Variants in DSCAM observed in about 807,000 individuals in gnomAD.
The protein encoded by DSCAM is cell adhesion molecule DSCAM.
Under a neutral mutation model 217.7 loss-of-function variants are expected in DSCAM, and 47 were observed. That is an observed-to-expected ratio of 0.22 (90% confidence interval 0.17 to 0.28). DSCAM has a LOEUF of 0.28. Among genes scored for constraint, DSCAM ranks in the 10% least tolerant of loss-of-function variants. The pLI is 1.00. For synonymous variants in DSCAM, 1,056 were observed against 1,015.3 expected (o/e 1.04, Z -0.76); for missense variants, 2,080 against 2,618.3 (o/e 0.79, Z 4.49).
At chr21:40,111,146 T>C (rs1407718396) in intron 20 of DSCAM, among the ~76,000 whole-genome samples, 7 of 151,916 alleles carry the variant, frequency 4.6e-5, no homozygotes, top group Non-Finnish European at 8.8e-5. Context: ...AAGGAAAAAA[T>C]GTTAAGGGCA....
At chr21:40,637,196 T>C (rs66672722) in intron 3 of DSCAM, among the ~76,000 whole-genome samples, 1 of 17,768 alleles carries the variant, frequency 5.6e-5, no homozygotes, top group Non-Finnish European at 8.5e-5. Context: ...TAAATATAAA[T>C]ATATATATAA....
chr21:40,787,796 T>C (rs980853429), intron 1 of DSCAM, among the ~76,000 whole-genome samples: 30 of 149,346 alleles, frequency 2.0e-4, no homozygotes, highest in African/African-American at 7.6e-4. Context: ...AGGATCAGAA[T>C]TCGAGGTCAG....
intron 1 of DSCAM, among the ~76,000 whole-genome samples, chr21:40,823,836 A>G (rs1230159808): frequency 6.6e-6 from 1 of 152,162 alleles, no homozygotes; most frequent in African/African-American, 2.4e-5. Flanking sequence ...AGGTTTCAGC[A>G]TCTCTTGGGT....
intron 3 of DSCAM, among the ~76,000 whole-genome samples, chr21:40,575,532 CA>C (rs1435260168): frequency 6.6e-6 from 1 of 152,042 alleles, no homozygotes; most frequent in Non-Finnish European, 1.5e-5. Context: ...AATTAGGTGA[CA>C]GGGGATGAAA....
intron 2 of DSCAM, among the ~76,000 whole-genome samples, chr21:40,707,056 T>C (rs1408120154): frequency 6.6e-6 from 1 of 152,370 alleles, no homozygotes; most frequent in East Asian, 1.9e-4. Flanking sequence ...CAATGAATTC[T>C]ATGACTAATT....
chr21:40,517,404 A>AACACACACAC (rs3070750), intron 3 of DSCAM, among the ~76,000 whole-genome samples: 5,737 of 144,688 alleles, frequency 0.04, 147 homozygotes, highest in African/African-American at 0.067. Flanking sequence ...ACACACAAGC[A>AACACACACAC]ACACACACAC....
intron 3 of DSCAM, among the ~76,000 whole-genome samples, chr21:40,436,475 T>C (rs955377621): frequency 2.0e-5 from 3 of 152,194 alleles, no homozygotes; most frequent in African/African-American, 7.2e-5. Flanking sequence ...TGGCATCTAG[T>C]GGTGTGTGCA....
At chr21:40,255,928 C>T (rs2073364362) in intron 11 of DSCAM, among the ~76,000 whole-genome samples, 1 of 152,164 alleles carries the variant, frequency 6.6e-6, no homozygotes, top group Non-Finnish European at 1.5e-5. Context: ...GCTGCGGACG[C>T]TCTGACTTTG....
At chr21:40,601,982 C>G (rs1034812213) in intron 3 of DSCAM, among the ~76,000 whole-genome samples, 1 of 145,980 alleles carries the variant, frequency 6.9e-6, no homozygotes, top group Non-Finnish European at 1.5e-5. Context: ...CTTGTGATGT[C>G]TTTATCTGTT....
intron 3 of DSCAM, among the ~76,000 whole-genome samples, chr21:40,593,992 T>C (rs2077002713): frequency 6.6e-6 from 1 of 152,218 alleles, no homozygotes; most frequent in African/African-American, 2.4e-5. Flanking sequence ...TCGTTTATGC[T>C]TTTTCAGAAA....
At chr21:40,643,894 T>G (rs1193637960) in intron 3 of DSCAM, among the ~76,000 whole-genome samples, 1 of 152,210 alleles carries the variant, frequency 6.6e-6, no homozygotes, top group Admixed American at 6.5e-5. Flanking sequence ...AAAATACATT[T>G]ATGTTGTTTT....
intron 1 of DSCAM, among the ~76,000 whole-genome samples, chr21:40,728,779 A>G (rs949712668): frequency 1.3e-5 from 2 of 152,182 alleles, no homozygotes; most frequent in Admixed American, 6.5e-5. Flanking sequence ...GCCCTTCCCA[A>G]GCATTTTCAC....
At chr21:40,731,994 G>A (rs2091017812) in intron 1 of DSCAM, among the ~76,000 whole-genome samples, 1 of 152,008 alleles carries the variant, frequency 6.6e-6, no homozygotes, top group Admixed American at 6.6e-5. Context: ...TAAAGTGCTG[G>A]GATTACAGGC....
chr21:40,158,254 G>A (rs146147861), intron 16 of DSCAM, among the ~76,000 whole-genome samples: 1 of 152,148 alleles, frequency 6.6e-6, no homozygotes, highest in East Asian at 1.9e-4. Context: ...CATGGTGATG[G>A]TGGTATGCAC....
At chr21:40,530,882 C>A (rs988565328) in intron 3 of DSCAM, among the ~76,000 whole-genome samples, 6 of 83,336 alleles carry the variant, frequency 7.2e-5, no homozygotes, top group Admixed American at 1.3e-4. Flanking sequence ...CCTGCCTGTC[C>A]ATCCATCCAT....
intron 1 of DSCAM, among the ~76,000 whole-genome samples, chr21:40,802,022 A>G (rs2091746265): frequency 6.6e-6 from 1 of 152,104 alleles, no homozygotes; most frequent in Non-Finnish European, 1.5e-5. Flanking sequence ...GGATCCCAAA[A>G]CTGTGGAGTC....
At chr21:40,608,442 C>T (rs755516105) in intron 3 of DSCAM, among the ~76,000 whole-genome samples, 7 of 152,198 alleles carry the variant, frequency 4.6e-5, no homozygotes, top group Non-Finnish European at 8.8e-5. Context: ...TATATTTTCT[C>T]ATTTCCTAAA....
chr21:40,347,066 C>T (rs184824899), intron 6 of DSCAM, among the ~76,000 whole-genome samples: 4 of 152,044 alleles, frequency 2.6e-5, no homozygotes, highest in East Asian at 1.9e-4. Context: ...TTTGGGGGGC[C>T]GAGGCGGGCA....
Position 40,063,531 on chromosome 21 carries a change from G to A in DSCAM, c.4889-632C>T, listed in dbSNP as rs372703839. On this transcript the variant is annotated intron_variant, in intron 27 of 32. Transcript: ENST00000400454. ...TTGGTGGTGTTATTTTGAAATTCCCGTTTCCTTTAAAATATAATTTATTCT... is the reference window on the plus strand; with the variant it reads ...TTGGTGGTGTTATTTTGAAATTCCCATTTCCTTTAAAATATAATTTATTCT... 1.6e-4 allele frequency among the ~76,000 whole-genome samples: 24 copies of A among 151,640 alleles called. No homozygotes were observed. The South Asian group carries it at 2.1e-3, about 13-fold the overall frequency.
Sources: gnomAD v4.1 joint callset for allele counts (sites outside exome capture counted in the v4.1 genomes callset) on GRCh38, gnomAD v4.1.1 for gene constraint, MANE v1.5 for transcripts, NCBI Gene and HGNC (gene_info 2026-07-23, HGNC 2026-07-21) for gene names.